MCPH1: variants seen among roughly 807,000 people sequenced by gnomAD.
The protein encoded by MCPH1 is microcephalin.
A neutral mutation model predicts 84.5 loss-of-function variants in MCPH1; 104 were observed. The ratio of observed to expected loss-of-function variants is 1.23; its 90% CI spans 1.05 to 1.45. The LOEUF is 1.45. Ranked by LOEUF, MCPH1 falls within the 40% of genes most tolerant of loss-of-function variation. The pLI, the probability that MCPH1 is intolerant of heterozygous loss-of-function variation, is 0.00. For missense variants in MCPH1, 1,498 were observed against 1,005.7 expected (o/e 1.49, Z -6.62); for synonymous variants, 514 against 366.8 (o/e 1.40, Z -4.58).
chr8:6,458,189 C>A (rs1399944737), intron 9 of MCPH1, among the ~76,000 whole-genome samples: 2 of 152,030 alleles, frequency 1.3e-5, no homozygotes, highest in Admixed American at 6.6e-5. Context: ...TCCTGATTTG[C>A]GGGCTGGGTG....
At chr8:6,430,055 G>C (rs1801617007) in intron 3 of MCPH1, among the ~76,000 whole-genome samples, 1 of 152,166 alleles carries the variant, frequency 6.6e-6, no homozygotes, top group South Asian at 2.1e-4. Flanking sequence ...TTGAGTCTAT[G>C]CTCTGCTTCC....
At chr8:6,506,082 T>G (rs1271276732) in intron 12 of MCPH1, among the ~76,000 whole-genome samples, 1 of 150,778 alleles carries the variant, frequency 6.6e-6, no homozygotes, top group African/African-American at 2.4e-5. Flanking sequence ...GGTTTGTTAT[T>G]TCATCCAGGT....
intron 9 of MCPH1, 67 bp from the exon 10 acceptor site, chr8:6,477,527 T>C: frequency 1.4e-6 from 2 of 1,437,748 alleles, no homozygotes; most frequent in Non-Finnish European, 2.0e-6. Flanking sequence ...TTACAGTTTA[T>C]TTCTGTGGGA....
At chr8:6,619,047 G>C (rs968854366) in intron 12 of MCPH1, 1 of 152,172 alleles carries the variant, frequency 6.6e-6, no homozygotes, top group Non-Finnish European at 1.5e-5. Context: ...TGATTCTCAC[G>C]TTGCATTGGC....
At chr8:6,627,327 A>AGAGGAGAGT in intron 13 of MCPH1, 2 of 979,976 alleles carry the variant, frequency 2.0e-6, no homozygotes. Flanking sequence ...AGAGTGGCAG[A>AGAGGAGAGT]GAGGAGAGTG....
intron 11 of MCPH1, among the ~76,000 whole-genome samples, chr8:6,489,698 G>A (rs13282577): frequency 0.18 from 26,994 of 152,124 alleles, 2,562 homozygotes; most frequent in Middle Eastern, 0.3. Flanking sequence ...GCAGCGAATG[G>A]GGCACTGTGA....
At chr8:6,470,576 T>C (rs1253084414) in intron 9 of MCPH1, among the ~76,000 whole-genome samples, 2 of 152,206 alleles carry the variant, frequency 1.3e-5, no homozygotes, top group Non-Finnish European at 2.9e-5. Flanking sequence ...TGAGCCACCA[T>C]GCCAGGCTCT....
At chr8:6,440,884 G>T (rs1473080182) in intron 6 of MCPH1, among the ~76,000 whole-genome samples, 1 of 152,156 alleles carries the variant, frequency 6.6e-6, no homozygotes, top group South Asian at 2.1e-4. Context: ...GCCTTTCTCT[G>T]TCTTGCCTAG....
rs1227611330 is a variant in MCPH1 at position 6,456,214 on chromosome 8, A to G, written c.1935+962A>G. On this transcript the variant is annotated intron_variant, in intron 9 of 13. Transcript: ENST00000344683. ...AACCCTATTTCAGGTAAAGCAACAG[A>G]TGTGGAGAGAGAGAGACTGTCAGGG... is the stretch of plus-strand genomic sequence containing the variant. Among the ~76,000 whole-genome samples, 6 of 152,298 alleles carry G rather than the reference A, an allele frequency of 3.9e-5. No individual in the cohort carries two copies. In the South Asian group the frequency reaches 8.3e-4, roughly 21 times the overall value.
At chr8:6,500,132 G>A (rs1811863360) in intron 12 of MCPH1, 1 of 578,398 alleles carries the variant, frequency 1.7e-6, no homozygotes, top group African/African-American at 1.9e-5. Flanking sequence ...GCAAAAAGTA[G>A]TGAGGAATGC....
Position 6,515,118 on chromosome 8 carries a change from A to G in MCPH1, c.2214+15189A>G, listed in dbSNP as rs967705191. On this transcript the variant is annotated intron_variant, in intron 12 of 13. Transcript: ENST00000344683. The stretch of plus-strand genomic sequence containing the variant: ...TTTAGAGATTCATTATGAATGGCAC[A>G]TTTTGGCAGATTGGCCCCGAACCCC... Among the ~76,000 whole-genome samples the G allele has an allele frequency of 3.3e-5, 5 of 152,056 alleles. No individual in the cohort carries two copies. The East Asian group carries it at 9.6e-4, about 29-fold the overall frequency.
chr8:6,434,097 C>T (rs1361844586), intron 4 of MCPH1, among the ~76,000 whole-genome samples: 1 of 152,144 alleles, frequency 6.6e-6, no homozygotes, highest in Non-Finnish European at 1.5e-5. Context: ...AGTTCCTTCC[C>T]ACTTGTGCCA....
At chr8:6,571,802 A>G (rs1473381058) in intron 12 of MCPH1, among the ~76,000 whole-genome samples, 1 of 152,200 alleles carries the variant, frequency 6.6e-6, no homozygotes, top group Non-Finnish European at 1.5e-5. Context: ...AGGCTTGATT[A>G]TAGAGTTACA....
chr8:6,643,815 T>A lies in MCPH1; in HGVS notation c.*766T>A, dbSNP rs930082718. On this transcript the variant is annotated 3_prime_UTR_variant, in exon 14 of 14. Transcript: ENST00000344683. The stretch of plus-strand genomic sequence containing the variant: ...GTATGGGGGGTGTTATACAGGATAA[T>A]TGGTGACATCTGAGTGTCTTACTTC... The A allele has an allele frequency of 6.6e-6, 1 of 152,240 alleles. No homozygotes were observed. Among genetic ancestry groups the A allele is most frequent in the African/African-American group, 2.4e-5 (1 of 41,448 alleles). The allele number at this position is 152,240 out of a possible 1,614,324, so 9.4% of individuals were successfully genotyped here. A position where few individuals can be genotyped will look rare whatever the true frequency, so the allele number is the denominator to read the frequency against.
chr8:6,626,121 T>G, intron 13 of MCPH1: 1 of 985,278 alleles, frequency 1.0e-6, no homozygotes, highest in Non-Finnish European at 1.2e-6. Flanking sequence ...AAATTGTTAG[T>G]GATTATTTTA....
rs752640178 is a variant in MCPH1, at chr8:6,562,954, C to A, written c.2215-58500C>A. 9 of 1,562,106 alleles carry A rather than the reference C, an allele frequency of 5.8e-6. No individual in the cohort carries two copies. The Admixed American group carries it at 1.2e-4, about 21-fold the overall frequency. ...CCACATTCTTTCTTCAGTAATAAACCAGCAGCTTAGCAAACTTGAGGGCAA... is the reference window on the plus strand; with the variant it reads ...CCACATTCTTTCTTCAGTAATAAACAAGCAGCTTAGCAAACTTGAGGGCAA... On this transcript the variant is annotated intron_variant, in intron 12 of 13. Transcript: ENST00000344683.
chr8:6,466,825 C>G (rs1009988260), intron 9 of MCPH1, among the ~76,000 whole-genome samples: 1 of 152,214 alleles, frequency 6.6e-6, no homozygotes, highest in Non-Finnish European at 1.5e-5. Flanking sequence ...TTCCGCCCAC[C>G]TTGGCCTTCC....
At chr8:6,510,147 G>C (rs1814726282) in intron 12 of MCPH1, among the ~76,000 whole-genome samples, 1 of 140,952 alleles carries the variant, frequency 7.1e-6, no homozygotes, top group African/African-American at 2.8e-5. Flanking sequence ...ATATTTTTGA[G>C]GTTGTTTTTT....
intron 4 of MCPH1, among the ~76,000 whole-genome samples, chr8:6,431,800 GC>G (rs904995116): frequency 6.6e-6 from 1 of 152,182 alleles, no homozygotes; most frequent in African/African-American, 2.4e-5. Context: ...AAATGGAAAA[GC>G]CTGTGGTTGG....
Sources: gnomAD v4.1 joint callset for allele counts (sites outside exome capture counted in the v4.1 genomes callset) on GRCh38, gnomAD v4.1.1 for gene constraint, MANE v1.5 for transcripts, NCBI Gene and HGNC (gene_info 2026-07-23, HGNC 2026-07-21) for gene names.